FBP1: variants seen among roughly 807,000 people sequenced by gnomAD.
FBP1 encodes fructose-1,6-bisphosphatase 1.
A neutral mutation model predicts 29.9 loss-of-function variants in FBP1; 22 were observed. The observed-to-expected ratio is 0.74, with a 90% confidence interval of 0.53 to 1.05. The LOEUF is 1.05. Among genes scored for constraint, FBP1 ranks in the 50% least tolerant of loss-of-function variants. The probability of loss-of-function intolerance (pLI) is 0.00; values close to 1 mark genes in which losing one functional copy is unlikely to be tolerated. For missense variants in FBP1, 345 were observed against 448.2 expected (o/e 0.77, Z 2.08); for synonymous variants, 175 against 178.6 (o/e 0.98, Z 0.16).
At chr9:94,635,190 T>G (rs1828174500) in intron 1 of FBP1, among the ~76,000 whole-genome samples, 1 of 151,844 alleles carries the variant, frequency 6.6e-6, no homozygotes. Context: ...ATGTGTAGTG[T>G]GGCCAAAAGA....
At chr9:94,635,956 T>C (rs1365455200) in intron 1 of FBP1, among the ~76,000 whole-genome samples, 1 of 152,254 alleles carries the variant, frequency 6.6e-6, no homozygotes, top group Non-Finnish European at 1.5e-5. Context: ...GATCCCATTT[T>C]GTCTGCTATT....
intron 1 of FBP1, among the ~76,000 whole-genome samples, chr9:94,621,398 A>AAAAAATATATATATATAT (rs58726402): frequency 1.4e-5 from 2 of 146,158 alleles, no homozygotes; most frequent in African/African-American, 5.3e-5. Context: ...TCCGTCTAAA[A>AAAAAATATATATATATAT]ATATATATAT....
intron 3 of FBP1, among the ~76,000 whole-genome samples, chr9:94,616,363 C>CTCAG (rs2131484491): frequency 6.6e-6 from 1 of 151,114 alleles, no homozygotes; most frequent in East Asian, 2.0e-4. Flanking sequence ...AAACTAAAAT[C>CTCAG]TCAGACTTCA....
intron 1 of FBP1, among the ~76,000 whole-genome samples, chr9:94,627,844 C>T (rs967445849): frequency 6.6e-6 from 1 of 152,188 alleles, no homozygotes; most frequent in South Asian, 2.1e-4. Flanking sequence ...CCTCCCCAGG[C>T]CAACTGTGCC....
intron 6 of FBP1, chr9:94,603,980 T>A (rs957219228): frequency 3.1e-6 from 1 of 321,318 alleles, no homozygotes. Flanking sequence ...CATGGTGGTG[T>A]CTGGCTACAG....
chr9:94,637,426 C>T (rs28402381), intron 1 of FBP1, among the ~76,000 whole-genome samples: 54,523 of 148,790 alleles, frequency 0.37, 10,060 homozygotes, highest in Admixed American at 0.43. Flanking sequence ...AAGACAAAGT[C>T]ACGCTCTTGT....
chr9:94,630,744 C>A (rs1828093189), intron 1 of FBP1, among the ~76,000 whole-genome samples: 1 of 152,212 alleles, frequency 6.6e-6, no homozygotes, highest in African/African-American at 2.4e-5. Flanking sequence ...AACTCAGCAC[C>A]AGAAAGACCT....
intron 1 of FBP1, 111 bp from the exon 2 acceptor site, chr9:94,620,602 T>C (rs192729564): frequency 1.6e-5 from 17 of 1,091,702 alleles, no homozygotes; most frequent in African/African-American, 3.1e-5. Context: ...AAAGAGTTCA[T>C]GTCCTTTGCA....
intron 1 of FBP1, among the ~76,000 whole-genome samples, chr9:94,637,652 A>G (rs1046528279): frequency 5.9e-5 from 9 of 152,032 alleles, no homozygotes; most frequent in African/African-American, 2.2e-4. Flanking sequence ...CGGCCTCCCA[A>G]AGTGCTGGGA....
chr9:94,619,648 C>T (rs950829262), intron 2 of FBP1, among the ~76,000 whole-genome samples: 7 of 151,490 alleles, frequency 4.6e-5, no homozygotes, highest in Non-Finnish European at 8.8e-5. Context: ...CCAAGGTGGG[C>T]GGGTCACTTG....
chr9:94,603,574 T>C lies in FBP1; in HGVS notation c.826-2A>G. On this transcript the variant is annotated splice_acceptor_variant, in intron 6 of 6. Transcript: ENST00000375326. LOFTEE classifies it high-confidence loss of function. ...GTTGCATTCGTACAGCAGTCTCAGC[T>C]GGAAAACAAGACCGGGTAGCGGCCT... The C allele has an allele frequency of 6.2e-7, 1 of 1,614,070 alleles. No homozygotes were observed. Among genetic ancestry groups the C allele is most frequent in the Non-Finnish European group, 8.5e-7 (1 of 1,179,934 alleles).
At chr9:94,630,585 T>C (rs1350006849) in intron 1 of FBP1, among the ~76,000 whole-genome samples, 1 of 152,204 alleles carries the variant, frequency 6.6e-6, no homozygotes, top group East Asian at 1.9e-4. Flanking sequence ...GTAGTGTGTC[T>C]GCTTCATAGT....
intron 1 of FBP1, among the ~76,000 whole-genome samples, chr9:94,626,215 T>C (rs1828024468): frequency 6.6e-6 from 1 of 152,194 alleles, no homozygotes; most frequent in Non-Finnish European, 1.5e-5. Flanking sequence ...CTGCTCCAAC[T>C]CAATGTTCAC....
upstream of FBP1, among the ~76,000 whole-genome samples, chr9:94,639,729 C>T (rs548997534): frequency 6.7e-6 from 1 of 148,464 alleles, no homozygotes; most frequent in Non-Finnish European, 1.5e-5. Context: ...CTGTCGCCCC[C>T]CACACACACC....
At chr9:94,614,923 T>C (rs934215463) in intron 3 of FBP1, among the ~76,000 whole-genome samples, 4 of 152,162 alleles carry the variant, frequency 2.6e-5, no homozygotes, top group Non-Finnish European at 4.4e-5. Context: ...TTTATTTATT[T>C]TTTGAGACAG....
At position 94,635,099 on chromosome 9, in the gene FBP1, A is replaced by C. The variant is rs940965448; in HGVS notation, c.170+4042T>G. Among the ~76,000 whole-genome samples the C allele has an allele frequency of 1.5e-3, 234 of 151,920 alleles. 1 individual carries two copies. The highest frequency in any genetic ancestry group is 1.7e-3 in the Non-Finnish European group (117 of 67,930). ...GAGGCCCTGTCTCAAAAAAAAAAAA[A>C]AAAAAAAAAAACCAGTTAACTAATA... On this transcript the variant is annotated intron_variant, in intron 1 of 6. Transcript: ENST00000375326.
intron 2 of FBP1, 66 bp from the exon 3 acceptor site, chr9:94,617,926 T>G (rs1193985869): frequency 2.5e-6 from 3 of 1,222,108 alleles, no homozygotes; most frequent in Non-Finnish European, 3.6e-6. Flanking sequence ...GGAGTATACA[T>G]TAGGGGCTAA....
intron 3 of FBP1, among the ~76,000 whole-genome samples, chr9:94,612,142 T>C (rs1827794868): frequency 6.6e-6 from 1 of 152,204 alleles, no homozygotes; most frequent in Non-Finnish European, 1.5e-5. Context: ...ATGCACAACC[T>C]TGAAAAATGA....
At chr9:94,607,031 C>A in intron 4 of FBP1, 79 bp from the exon 5 acceptor site, 3 of 1,585,008 alleles carry the variant, frequency 1.9e-6, no homozygotes, top group Non-Finnish European at 2.6e-6. Flanking sequence ...GAGCGATGGG[C>A]TGGGCTACGC....
Sources: gnomAD v4.1 joint callset for allele counts (sites outside exome capture counted in the v4.1 genomes callset) on GRCh38, gnomAD v4.1.1 for gene constraint, MANE v1.5 for transcripts, NCBI Gene and HGNC (gene_info 2026-07-23, HGNC 2026-07-21) for gene names.